CBLB: variants seen among roughly 807,000 people sequenced by gnomAD.
CBLB encodes the protein E3 ubiquitin-protein ligase CBL-B.
In CBLB, 31 loss-of-function variants were observed where a neutral mutation model predicts 104.9. The observed-to-expected ratio is 0.30, with a 90% CI of 0.22 to 0.40. The LOEUF (loss-of-function observed/expected upper bound fraction) is 0.40, where lower values mean the gene tolerates loss of function less well. CBLB is among the 10% of genes least tolerant of loss of function. The probability of loss-of-function intolerance (pLI) is 1.00; values close to 1 mark genes in which losing one functional copy is unlikely to be tolerated. For missense variants in CBLB, 1,062 were observed against 1,214.6 expected, an observed-to-expected ratio of 0.87 and a Z score of 1.87; for synonymous variants, 440 against 422.6, an observed-to-expected ratio of 1.04 and a Z score of -0.51.
intron 2 of CBLB, among the ~76,000 whole-genome samples, chr3:105,855,310 T>C (rs968754563): frequency 2.6e-5 from 4 of 152,176 alleles, no homozygotes; most frequent in South Asian, 2.1e-4. Flanking sequence ...TTTGAAGTTA[T>C]GTAGGATAAT....
chr3:105,738,457 A>G (rs1268606227), intron 7 of CBLB, among the ~76,000 whole-genome samples: 2 of 152,272 alleles, frequency 1.3e-5, no homozygotes, highest in African/African-American at 4.8e-5. Context: ...GACAAACATT[A>G]AATGAGGAAT....
intron 17 of CBLB, chr3:105,671,618 G>C (rs1024745986): frequency 4.9e-6 from 1 of 206,132 alleles, no homozygotes; most frequent in Non-Finnish European, 9.9e-6. Flanking sequence ...TTAATAATAT[G>C]TAAGTATTTG....
In CBLB at chr3:105,688,224, C is replaced by A. The variant is rs548982859; in HGVS notation, c.2055-2758G>T. Among the ~76,000 whole-genome samples, 7 of 152,112 alleles carry A rather than the reference C, an allele frequency of 4.6e-5. No homozygotes were observed. The East Asian group carries it at 9.7e-4, about 21-fold the overall frequency. ...AAGCCTACCATTACACTTATTACTG[C>A]AATCCCTTTATATTCTCATCTTACA... is the stretch of plus-strand genomic sequence containing the variant. On this transcript the variant is annotated intron_variant, in intron 13 of 18. Coordinates refer to ENST00000394030, the MANE Select transcript of CBLB (RefSeq NM_170662.5).
rs548526294 is a variant in CBLB at position 105,718,897 on chromosome 3, C to A, written c.1407+1150G>T. Among the ~76,000 whole-genome samples the A allele has an allele frequency of 2.0e-5, 3 of 152,310 alleles. No individual in the cohort carries two copies. The South Asian group carries it at 6.2e-4, about 32-fold the overall frequency. ...TCCTGTACAGGGAATAGCCTGATAT[C>A]CAAGAGTCTACCTCTCTTGACCACT... On this transcript the variant is annotated intron_variant, in intron 10 of 18. Coordinates refer to ENST00000394030, the MANE Select transcript of CBLB (RefSeq NM_170662.5).
At chr3:105,858,717 G>T (rs527529367) in intron 2 of CBLB, among the ~76,000 whole-genome samples, 25 of 152,138 alleles carry the variant, frequency 1.6e-4, no homozygotes, top group Non-Finnish European at 3.7e-4. Flanking sequence ...GAAATTACCA[G>T]GACCAATTCC....
chr3:105,734,706 T>G (rs749027167), intron 8 of CBLB, among the ~76,000 whole-genome samples: 3 of 152,222 alleles, frequency 2.0e-5, no homozygotes, highest in Non-Finnish European at 2.9e-5. Flanking sequence ...ATATTGAACT[T>G]AACAAAAGTT....
At chr3:105,807,473 G>A (rs1405736149) in intron 3 of CBLB, among the ~76,000 whole-genome samples, 1 of 152,148 alleles carries the variant, frequency 6.6e-6, no homozygotes, top group Non-Finnish European at 1.5e-5. Context: ...TCTGGTATGT[G>A]TCCAGTGAGC....
At chr3:105,829,798 C>A (rs1028715936) in intron 3 of CBLB, among the ~76,000 whole-genome samples, 3 of 143,778 alleles carry the variant, frequency 2.1e-5, no homozygotes, top group Admixed American at 7.0e-5. Flanking sequence ...TGAAACATTT[C>A]TTTATATTTC....
At chr3:105,697,977 A>G (rs2152768152) in intron 12 of CBLB, among the ~76,000 whole-genome samples, 1 of 152,242 alleles carries the variant, frequency 6.6e-6, no homozygotes, top group East Asian at 1.9e-4. Flanking sequence ...ATAAATATCT[A>G]GCCAACAAGA....
chr3:105,722,214 A>AAAAAAAG (rs1553744289), intron 9 of CBLB, among the ~76,000 whole-genome samples: 2 of 150,504 alleles, frequency 1.3e-5, no homozygotes, highest in Non-Finnish European at 3.0e-5. Context: ...AAAAAAAAAA[A>AAAAAAAG]AAAAGAAAAG....
chr3:105,674,565 G>C lies in CBLB; in HGVS notation c.2569+3866C>G, dbSNP rs745566963. Among the ~76,000 whole-genome samples, 43 of 152,186 alleles carry C rather than the reference G, an allele frequency of 2.8e-4. 1 individual carries two copies. Among genetic ancestry groups the C allele is most frequent in the South Asian group, 2.1e-4 (1 of 4,826 alleles). On this transcript the variant is annotated intron_variant, in intron 17 of 18. Transcript: ENST00000394030. Reference sequence around the variant, plus strand: ...TTTGTGCACTGCACAAAGACACCTAGTTATGGTTATGAGCAGGACTTAAAT... The same window carrying C: ...TTTGTGCACTGCACAAAGACACCTACTTATGGTTATGAGCAGGACTTAAAT...
intron 2 of CBLB, among the ~76,000 whole-genome samples, chr3:105,861,244 G>C (rs767127609): frequency 6.6e-6 from 1 of 152,032 alleles, no homozygotes; most frequent in Non-Finnish European, 1.5e-5. Flanking sequence ...TGTATAATAA[G>C]ATAAACTTAA....
chr3:105,756,300 T>C (rs2077077236), intron 4 of CBLB, among the ~76,000 whole-genome samples: 1 of 152,180 alleles, frequency 6.6e-6, no homozygotes, highest in African/African-American at 2.4e-5. Flanking sequence ...ACAAAATTGA[T>C]ATAAAATATC....
chr3:105,664,030 C>T (rs1317481354), intron 18 of CBLB, among the ~76,000 whole-genome samples: 3 of 151,820 alleles, frequency 2.0e-5, no homozygotes, highest in Non-Finnish European at 2.9e-5. Context: ...ATTTCAGTGG[C>T]TGTCAATTAT....
At chr3:105,739,065 GC>G (rs1032503757) in intron 7 of CBLB, among the ~76,000 whole-genome samples, 3 of 151,970 alleles carry the variant, frequency 2.0e-5, no homozygotes, top group Admixed American at 1.3e-4. Flanking sequence ...GCGCCACCAT[GC>G]CCAGCTAATT....
Position 105,750,687 on chromosome 3 carries a change from G to A in CBLB, c.723+775C>T, listed in dbSNP as rs6781337. ...GTTTAAGATAATTCCATTAAGGCACGCAAAAGAAGAAAATGATAGTATCCA... is the reference window on the plus strand; with the variant it reads ...GTTTAAGATAATTCCATTAAGGCACACAAAAGAAGAAAATGATAGTATCCA... On this transcript the variant is annotated intron_variant, in intron 5 of 18. Coordinates refer to ENST00000394030, the MANE Select transcript of CBLB (RefSeq NM_170662.5). Among the ~76,000 whole-genome samples the A allele has an allele frequency of 4.0e-3, 606 of 152,110 alleles. 2 individuals carry two copies. Among genetic ancestry groups the A allele is most frequent in the African/African-American group, 0.014 (574 of 41,458 alleles).
intron 3 of CBLB, among the ~76,000 whole-genome samples, chr3:105,797,542 G>T (rs1428117182): frequency 1.3e-5 from 2 of 152,054 alleles, no homozygotes; most frequent in Admixed American, 1.3e-4. Flanking sequence ...AAACCCCCAT[G>T]ACATGTAGTT....
At chr3:105,675,399 T>C (rs985676276) in intron 17 of CBLB, among the ~76,000 whole-genome samples, 10 of 152,206 alleles carry the variant, frequency 6.6e-5, no homozygotes, top group African/African-American at 2.4e-4. Context: ...AATGAATCTT[T>C]TACATTTCTT....
Position 105,702,531 on chromosome 3 carries a change from C to T in CBLB, c.1594-72G>A, listed in dbSNP as rs1380334407. 4 of 1,418,702 alleles carry T rather than the reference C, an allele frequency of 2.8e-6. No individual in the cohort carries two copies. In the African/African-American group the frequency reaches 6.0e-5, roughly 21 times the overall value. 87.9% of individuals were successfully genotyped at this position (1,418,702 alleles called of 1,614,324 possible). A position where few individuals can be genotyped will look rare whatever the true frequency, so the allele number is the denominator to read the frequency against. On this transcript the variant is annotated intron_variant, in intron 11 of 18. Coordinates refer to ENST00000394030, the MANE Select transcript of CBLB (RefSeq NM_170662.5). ...GTTGTACCATGCACTGACAGAACTT[C>T]CAAACTAGTGTATTATTGCTTTAAT... is the stretch of plus-strand genomic sequence containing the variant.
Sources: gnomAD v4.1 joint callset for allele counts (sites outside exome capture counted in the v4.1 genomes callset) on GRCh38, gnomAD v4.1.1 for gene constraint, MANE v1.5 for transcripts, NCBI Gene and HGNC (gene_info 2026-07-23, HGNC 2026-07-21) for gene names.